Variants in TAF4B observed in about 807,000 individuals in gnomAD.
TAF4B encodes TATA-box binding protein associated factor 4b, also known as transcription initiation factor TFIID subunit 4B.
In TAF4B, 38 loss-of-function variants were observed where a neutral mutation model predicts 86.4. The ratio of observed to expected loss-of-function variants is 0.44; its 90% CI spans 0.34 to 0.58. The LOEUF (loss-of-function observed/expected upper bound fraction) is 0.58. Ranked by LOEUF, TAF4B falls within the 20% of genes least tolerant of loss-of-function variation. TAF4B has a pLI of 0.02. For synonymous variants in TAF4B, 388 were observed against 391.2 expected (o/e 0.99, Z 0.10); for missense variants, 988 against 1,027.6 (o/e 0.96, Z 0.53).
At chr18:26,305,362 C>G (rs918501882) in intron 9 of TAF4B, among the ~76,000 whole-genome samples, 3 of 151,958 alleles carry the variant, frequency 2.0e-5, no homozygotes, top group African/African-American at 7.3e-5. Context: ...TAGTAAATTC[C>G]CATTTAAAAA....
intron 1 of TAF4B, among the ~76,000 whole-genome samples, chr18:26,244,656 T>G (rs1037953421): frequency 1.3e-5 from 2 of 152,222 alleles, no homozygotes; most frequent in African/African-American, 4.8e-5. Flanking sequence ...GTGTCACTTA[T>G]GCTGGGAGCT....
chr18:26,301,084 T>C (rs2056726796), intron 9 of TAF4B, among the ~76,000 whole-genome samples: 1 of 152,150 alleles, frequency 6.6e-6, no homozygotes, highest in Non-Finnish European at 1.5e-5. Flanking sequence ...CTTTATTAAG[T>C]CTCCAAATGA....
At chr18:26,350,421 C>G (rs962749369) in intron 13 of TAF4B, among the ~76,000 whole-genome samples, 1 of 152,158 alleles carries the variant, frequency 6.6e-6, no homozygotes, top group Non-Finnish European at 1.5e-5. Flanking sequence ...CCTATACTCT[C>G]AACACTTGGG....
At chr18:26,255,890 T>A in intron 1 of TAF4B, 1 of 1,244,418 alleles carries the variant, frequency 8.0e-7, no homozygotes, top group South Asian at 1.2e-5. Flanking sequence ...AGGAAACAAC[T>A]GGTGTTCTGT....
At chr18:26,371,122 C>G (rs1051935467) in intron 14 of TAF4B, among the ~76,000 whole-genome samples, 3 of 151,328 alleles carry the variant, frequency 2.0e-5, no homozygotes, top group African/African-American at 7.3e-5. Flanking sequence ...GAAGCGTGAA[C>G]AAAACAGAAT....
At chr18:26,380,998 G>A (rs1271942546) in intron 14 of TAF4B, among the ~76,000 whole-genome samples, 1 of 151,874 alleles carries the variant, frequency 6.6e-6, no homozygotes, top group African/African-American at 2.4e-5. Context: ...TTCCTTTTTA[G>A]TTAATAGTCT....
chr18:26,382,531 A>T (rs888212253), intron 14 of TAF4B, among the ~76,000 whole-genome samples: 3 of 151,982 alleles, frequency 2.0e-5, no homozygotes, highest in Admixed American at 6.6e-5. Flanking sequence ...GTGAGGTAAG[A>T]TGTTAGAGGG....
intron 12 of TAF4B, among the ~76,000 whole-genome samples, chr18:26,328,569 G>C (rs532123769): frequency 9.9e-5 from 15 of 152,124 alleles, no homozygotes; most frequent in Non-Finnish European, 1.6e-4. Flanking sequence ...CCCTTTCCCA[G>C]ATCCCCCCAA....
chr18:26,342,251 G>A (rs971048245), intron 13 of TAF4B, among the ~76,000 whole-genome samples: 1 of 152,058 alleles, frequency 6.6e-6, no homozygotes, highest in African/African-American at 2.4e-5. Flanking sequence ...CTATTTGGTG[G>A]TGTGATTATT....
At chr18:26,380,667 A>G (rs2057472077) in intron 14 of TAF4B, among the ~76,000 whole-genome samples, 1 of 152,088 alleles carries the variant, frequency 6.6e-6, no homozygotes, top group South Asian at 2.1e-4. Context: ...GCCTGATACT[A>G]TTATAGCCAT....
At chr18:26,237,527 C>A (rs1386099568) in intron 1 of TAF4B, among the ~76,000 whole-genome samples, 2 of 151,820 alleles carry the variant, frequency 1.3e-5, no homozygotes, top group Non-Finnish European at 2.9e-5. Flanking sequence ...TGCTTGTTTC[C>A]TTCTGGGTGG....
At chr18:26,383,777 A>G (rs1451914163) in intron 14 of TAF4B, among the ~76,000 whole-genome samples, 2 of 152,206 alleles carry the variant, frequency 1.3e-5, no homozygotes, top group Admixed American at 6.5e-5. Context: ...GGCAGAAGTT[A>G]ACATGCAGTG....
intron 13 of TAF4B, among the ~76,000 whole-genome samples, chr18:26,349,324 C>T (rs2057225690): frequency 1.3e-5 from 2 of 151,984 alleles, no homozygotes; most frequent in Admixed American, 1.3e-4. Context: ...TTCTTATTGA[C>T]TACCAATGCA....
At chr18:26,361,348 C>A (rs1017171608) in intron 14 of TAF4B, among the ~76,000 whole-genome samples, 1 of 146,676 alleles carries the variant, frequency 6.8e-6, no homozygotes. Context: ...TGGCCTTGAA[C>A]TCCTGGCCTC....
At chr18:26,311,472 T>G (rs368729307) in intron 9 of TAF4B, among the ~76,000 whole-genome samples, 1 of 151,568 alleles carries the variant, frequency 6.6e-6, no homozygotes, top group Non-Finnish European at 1.5e-5. Context: ...CTGTCTCTAC[T>G]AAAAAAAATA....
At chr18:26,359,748 T>A (rs1167555250) in intron 14 of TAF4B, among the ~76,000 whole-genome samples, 1 of 152,130 alleles carries the variant, frequency 6.6e-6, no homozygotes, top group Non-Finnish European at 1.5e-5. Flanking sequence ...TAGAGATAGG[T>A]CTTGCTCTGT....
intron 14 of TAF4B, among the ~76,000 whole-genome samples, chr18:26,365,143 A>C (rs1378296483): frequency 6.6e-6 from 1 of 151,820 alleles, no homozygotes; most frequent in African/African-American, 2.4e-5. Flanking sequence ...GGTAGCTGGA[A>C]CTACAGGCGC....
At chr18:26,249,170 C>CA (rs796850643) in intron 1 of TAF4B, among the ~76,000 whole-genome samples, 6,224 of 112,814 alleles carry the variant, frequency 0.055, 190 homozygotes, top group Middle Eastern at 0.092. Flanking sequence ...GACTCCATAT[C>CA]AAAAAAAAAA....
At chr18:26,241,370 G>C (rs1460817843) in intron 1 of TAF4B, among the ~76,000 whole-genome samples, 1 of 152,100 alleles carries the variant, frequency 6.6e-6, no homozygotes, top group African/African-American at 2.4e-5. Flanking sequence ...GTTTATTTGC[G>C]TAGAGGAGTT....
Sources: allele counts gnomAD v4.1 joint callset (sites outside exome capture counted in the v4.1 genomes callset), GRCh38; gene constraint gnomAD v4.1.1; transcripts MANE v1.5; gene names NCBI Gene and HGNC (gene_info 2026-07-23, HGNC 2026-07-21).